TMEM45B: variants seen among roughly 807,000 people sequenced by gnomAD.
TMEM45B encodes the protein transmembrane protein 45B.
In TMEM45B, 29 loss-of-function variants were observed where a neutral mutation model predicts 27.3. The observed-to-expected ratio is 1.06, with a 90% confidence interval of 0.79 to 1.45. The LOEUF is 1.45. Among genes scored for constraint, TMEM45B ranks in the 40% most tolerant of loss-of-function variants. TMEM45B has a pLI of 0.00. For missense variants in TMEM45B, 348 were observed against 343.9 expected (o/e 1.01, Z -0.09); for synonymous variants, 143 against 134.7 (o/e 1.06, Z -0.43).
At chr11:129,837,585 C>CCTTTTT (rs1947636610) in intron 1 of TMEM45B, among the ~76,000 whole-genome samples, 1 of 80,294 alleles carries the variant, frequency 1.2e-5, no homozygotes, top group African/African-American at 4.3e-5. Flanking sequence ...CTGCACTGGG[C>CCTTTTT]TTTTTTTTTT....
intron 1 of TMEM45B, among the ~76,000 whole-genome samples, chr11:129,828,914 A>G (rs1947517192): frequency 6.6e-6 from 1 of 152,202 alleles, no homozygotes; most frequent in African/African-American, 2.4e-5. Flanking sequence ...TTAGGTCAAA[A>G]TATGTTCTTC....
intron 1 of TMEM45B, among the ~76,000 whole-genome samples, chr11:129,849,961 TAACTAGC>T (rs936271768): frequency 3.7e-4 from 56 of 152,198 alleles, no homozygotes; most frequent in African/African-American, 1.2e-3. Flanking sequence ...GTTCTCTTGA[TAACTAGC>T]ACCTGGCTTC....
chr11:129,848,261 G>A (rs1397473659), intron 1 of TMEM45B, among the ~76,000 whole-genome samples: 2 of 152,174 alleles, frequency 1.3e-5, no homozygotes, highest in African/African-American at 4.8e-5. Flanking sequence ...CTGCAATCCC[G>A]GCACCTCGGG....
intron 5 of TMEM45B, among the ~76,000 whole-genome samples, chr11:129,857,996 A>T (rs1329848595): frequency 6.6e-6 from 1 of 152,264 alleles, no homozygotes; most frequent in East Asian, 1.9e-4. Context: ...TATCCCATTT[A>T]ATCTTCACTG....
intron 1 of TMEM45B, among the ~76,000 whole-genome samples, chr11:129,849,925 C>T (rs1177408102): frequency 6.6e-6 from 1 of 152,084 alleles, no homozygotes; most frequent in East Asian, 1.9e-4. Flanking sequence ...AGTCATTTTC[C>T]GAAATGACTT....
At chr11:129,834,683 C>A (rs1198119626) in intron 1 of TMEM45B, among the ~76,000 whole-genome samples, 2 of 152,018 alleles carry the variant, frequency 1.3e-5, no homozygotes, top group Non-Finnish European at 2.9e-5. Flanking sequence ...TGGTGGCATG[C>A]ACCTGTAGTC....
chr11:129,851,746 T>C (rs548640812), intron 1 of TMEM45B, among the ~76,000 whole-genome samples: 1 of 152,228 alleles, frequency 6.6e-6, no homozygotes, highest in Admixed American at 6.5e-5. Flanking sequence ...TTCATGCTAC[T>C]GCAAATGGGA....
intron 2 of TMEM45B, 97 bp from the exon 3 acceptor site, chr11:129,854,513 C>T: frequency 7.9e-7 from 1 of 1,268,808 alleles, no homozygotes; most frequent in South Asian, 1.3e-5. Flanking sequence ...TCACCTCACC[C>T]CATCTCCGCT....
chr11:129,840,946 T>TAAAAAAAAA (rs55905045), intron 1 of TMEM45B, among the ~76,000 whole-genome samples: 14 of 29,272 alleles, frequency 4.8e-4, no homozygotes, highest in African/African-American at 1.2e-3. Context: ...TTTCTTTCTG[T>TAAAAAAAAA]AAAAAAAAAA....
At position 129,857,671 on chromosome 11, in the gene TMEM45B, G is replaced by A. The variant is rs1020194208; in HGVS notation, c.716+213G>A. Among the ~76,000 whole-genome samples, 3 of 152,146 alleles carry A rather than the reference G, an allele frequency of 2.0e-5. No individual in the cohort carries two copies. The South Asian group carries it at 6.2e-4, about 32-fold the overall frequency. ...GGGCTTTTCAAAGTCATAGTAACCT[G>A]AGGGACCCAGGTTTCAAATGCAGGT... On this transcript the variant is annotated intron_variant, in intron 5 of 5. Coordinates refer to ENST00000281441, the MANE Select transcript of TMEM45B (RefSeq NM_138788.5).
chr11:129,849,735 C>T (rs757845006), intron 1 of TMEM45B, among the ~76,000 whole-genome samples: 2 of 152,148 alleles, frequency 1.3e-5, no homozygotes, highest in Non-Finnish European at 2.9e-5. Flanking sequence ...CGGAGGAATG[C>T]TCTGCTGGAA....
intron 1 of TMEM45B, among the ~76,000 whole-genome samples, chr11:129,822,576 A>G (rs1172679579): frequency 6.6e-6 from 1 of 152,138 alleles, no homozygotes; most frequent in African/African-American, 2.4e-5. Flanking sequence ...AAAGTCACAT[A>G]ATAACTTAGA....
chr11:129,817,694 G>A (rs151155584), intron 1 of TMEM45B, among the ~76,000 whole-genome samples: 1 of 152,292 alleles, frequency 6.6e-6, no homozygotes, highest in East Asian at 1.9e-4. Flanking sequence ...TCTGGTTGAT[G>A]TTGGTTGTGA....
chr11:129,849,950 C>T (rs894444445), intron 1 of TMEM45B, among the ~76,000 whole-genome samples: 1 of 151,954 alleles, frequency 6.6e-6, no homozygotes, highest in South Asian at 2.1e-4. Flanking sequence ...GTCATTTTCC[C>T]GTTCTCTTGA....
At chr11:129,829,756 A>G (rs1947526330) in intron 1 of TMEM45B, among the ~76,000 whole-genome samples, 2 of 152,264 alleles carry the variant, frequency 1.3e-5, no homozygotes, top group Non-Finnish European at 1.5e-5. Context: ...TTTCATTGTT[A>G]TTAGTGTTCT....
intron 3 of TMEM45B, among the ~76,000 whole-genome samples, chr11:129,855,427 A>G (rs760450086): frequency 6.6e-6 from 1 of 152,208 alleles, no homozygotes; most frequent in Non-Finnish European, 1.5e-5. Flanking sequence ...AATTTCAAGT[A>G]TACACACACA....
At chr11:129,822,461 G>A (rs903345899) in intron 1 of TMEM45B, among the ~76,000 whole-genome samples, 2 of 152,158 alleles carry the variant, frequency 1.3e-5, no homozygotes, top group African/African-American at 4.8e-5. Flanking sequence ...AGCAGAGAAG[G>A]CCTTTTTGAT....
In TMEM45B at chr11:129,837,585, C is replaced by CCTTTTTTTTTTTTTTTTTTTTTTTTT. The variant is rs1947636610; in HGVS notation, c.-8-14890_-8-14889insCTTTTTTTTTTTTTTTTTTTTTTTTT. ...TACAGGCATGAGCCACTGCACTGGG[C>CCTTTTTTTTTTTTTTTTTTTTTTTTT]TTTTTTTTTTTTTTTGAGACAGGGT... On this transcript the variant is annotated intron_variant, in intron 1 of 5. Coordinates refer to ENST00000281441, the MANE Select transcript of TMEM45B (RefSeq NM_138788.5). 1.6e-4 allele frequency among the ~76,000 whole-genome samples: 13 copies of CCTTTTTTTTTTTTTTTTTTTTTTTTT among 80,282 alleles called. 1 individual carries two copies. Among genetic ancestry groups the CCTTTTTTTTTTTTTTTTTTTTTTTTT allele is most frequent in the African/African-American group, 5.6e-4 (13 of 23,182 alleles). The allele number at this position is 80,282 out of a possible 152,430, so 52.7% of individuals were successfully genotyped here.
In TMEM45B at chr11:129,818,755, C is replaced by T. The variant is rs1947381584; in HGVS notation, c.-9+2857C>T. ...GGTATATTTCATGCCCATCTTTGTT[C>T]CATATAATTACAAAAATATCTTAGA... On this transcript the variant is annotated intron_variant, in intron 1 of 5. Transcript: ENST00000281441. Among the ~76,000 whole-genome samples, 3 of 152,142 alleles carry T rather than the reference C, an allele frequency of 2.0e-5. No individual in the cohort carries two copies. The South Asian group carries it at 6.2e-4, about 31-fold the overall frequency.
Sources: gnomAD v4.1 joint callset for allele counts (sites outside exome capture counted in the v4.1 genomes callset) on GRCh38, gnomAD v4.1.1 for gene constraint, MANE v1.5 for transcripts, NCBI Gene and HGNC (gene_info 2026-07-23, HGNC 2026-07-21) for gene names.